Variants in LINGO2 observed in about 807,000 individuals in gnomAD.
The protein encoded by LINGO2 is leucine rich repeat and Ig domain containing 2, also known as leucine-rich repeat and immunoglobulin-like domain-containing nogo receptor-interacting protein 2.
Under a neutral mutation model 30.6 loss-of-function variants are expected in LINGO2, and 14 were observed. The observed-to-expected ratio is 0.46, with a 90% CI of 0.30 to 0.72. The LOEUF is 0.72. LINGO2 is among the 30% of genes least tolerant of loss of function. LINGO2 has a pLI of 0.07. For synonymous variants in LINGO2, 317 were observed against 288.5 expected (o/e 1.10, Z -1.00); for missense variants, 729 against 751.7 (o/e 0.97, Z 0.35).
At chr9:28,589,841 C>T (rs1824777747) in intron 1 of LINGO2, among the ~76,000 whole-genome samples, 1 of 151,960 alleles carries the variant, frequency 6.6e-6, no homozygotes, top group Admixed American at 6.6e-5. Context: ...CCCGCATTGC[C>T]AAGACAATCC....
intron 4 of LINGO2, among the ~76,000 whole-genome samples, chr9:28,285,553 C>G (rs972651280): frequency 6.6e-6 from 1 of 151,686 alleles, no homozygotes; most frequent in African/African-American, 2.4e-5. Context: ...CTACAGGCAC[C>G]CACCACCATG....
chr9:29,090,141 T>C, the LINGO2 span, among the ~76,000 whole-genome samples: 3 of 152,056 alleles, frequency 2.0e-5, no homozygotes, highest in African/African-American at 7.2e-5. Flanking sequence ...GTGATTGATA[T>C]ATAGAGAGAT....
At chr9:28,786,254 C>T in the LINGO2 span, among the ~76,000 whole-genome samples, 2 of 152,118 alleles carry the variant, frequency 1.3e-5, no homozygotes, top group Admixed American at 6.5e-5. Flanking sequence ...AAAACCTCTC[C>T]TACCATGACA....
At chr9:28,990,578 C>T in the LINGO2 span, among the ~76,000 whole-genome samples, 3 of 152,254 alleles carry the variant, frequency 2.0e-5, no homozygotes, top group Admixed American at 1.3e-4. Flanking sequence ...ACCCCTGACC[C>T]CTGAGCAGCC....
At chr9:28,029,394 G>C (rs1314271383) in intron 4 of LINGO2, among the ~76,000 whole-genome samples, 1 of 152,126 alleles carries the variant, frequency 6.6e-6, no homozygotes. Context: ...ATTAAAAACA[G>C]GCAGGGTACT....
intron 3 of LINGO2, among the ~76,000 whole-genome samples, chr9:28,357,888 T>C (rs371697166): frequency 2.6e-5 from 4 of 152,246 alleles, no homozygotes; most frequent in Middle Eastern, 6.8e-3. Context: ...ATTAGCTACA[T>C]TGATCACATC....
At chr9:29,100,227 T>C in the LINGO2 span, among the ~76,000 whole-genome samples, 3 of 152,112 alleles carry the variant, frequency 2.0e-5, no homozygotes, top group African/African-American at 7.2e-5. Flanking sequence ...TACCCAAGGC[T>C]GAGAAGAGTG....
chr9:28,759,487 C>T, the LINGO2 span, among the ~76,000 whole-genome samples: 1 of 151,736 alleles, frequency 6.6e-6, no homozygotes, highest in East Asian at 1.9e-4. Context: ...TCGAGACCAT[C>T]CTGGCTAACA....
intron 4 of LINGO2, among the ~76,000 whole-genome samples, chr9:28,135,624 C>G (rs1827496567): frequency 6.6e-6 from 1 of 152,018 alleles, no homozygotes. Context: ...GTATCACGGT[C>G]TGTTCTGTAT....
At chr9:28,313,492 C>G (rs942197202) in intron 3 of LINGO2, among the ~76,000 whole-genome samples, 13 of 152,090 alleles carry the variant, frequency 8.5e-5, no homozygotes, top group African/African-American at 3.1e-4. Flanking sequence ...TGACTGTGCC[C>G]CTTTTTTAAT....
chr9:28,517,783 C>T (rs778447912), intron 1 of LINGO2, among the ~76,000 whole-genome samples: 1 of 152,046 alleles, frequency 6.6e-6, no homozygotes, highest in African/African-American at 2.4e-5. Flanking sequence ...TTTCACACTG[C>T]GGAAATGTTT....
chr9:28,764,048 A>G, the LINGO2 span, among the ~76,000 whole-genome samples: 2,520 of 151,874 alleles, frequency 0.017, 80 homozygotes, highest in African/African-American at 0.058. Flanking sequence ...AACAACAACA[A>G]AAAAGAGCAA....
chr9:28,465,669 A>G (rs1467036544), intron 2 of LINGO2, among the ~76,000 whole-genome samples: 2 of 152,210 alleles, frequency 1.3e-5, no homozygotes, highest in Non-Finnish European at 2.9e-5. Context: ...GAAATTGAAG[A>G]GACGATCCAC....
At chr9:28,736,307 G>C in the LINGO2 span, among the ~76,000 whole-genome samples, 134 of 152,212 alleles carry the variant, frequency 8.8e-4, no homozygotes, top group Admixed American at 1.1e-3. Context: ...CTTTTGCCTG[G>C]GTCAGCCAGC....
intron 1 of LINGO2, among the ~76,000 whole-genome samples, chr9:28,666,752 C>G (rs1221881713): frequency 5.3e-5 from 8 of 151,970 alleles, no homozygotes; most frequent in Admixed American, 5.2e-4. Context: ...AAGTAGAGAC[C>G]CAGGAATACT....
At chr9:28,417,638 T>C (rs1823018284) in intron 2 of LINGO2, among the ~76,000 whole-genome samples, 1 of 152,200 alleles carries the variant, frequency 6.6e-6, no homozygotes, top group Admixed American at 6.5e-5. Flanking sequence ...ACAATCCTTC[T>C]CAAATGTGGT....
chr9:29,179,476 C>T, the LINGO2 span, among the ~76,000 whole-genome samples: 4 of 152,222 alleles, frequency 2.6e-5, no homozygotes, highest in Admixed American at 6.5e-5. Context: ...GCAATCTCGG[C>T]TCACTGCAAC....
At chr9:28,116,985 C>T (rs1284278281) in intron 4 of LINGO2, among the ~76,000 whole-genome samples, 2 of 87,678 alleles carry the variant, frequency 2.3e-5, no homozygotes, top group African/African-American at 4.2e-5. Context: ...AGGAGAGGCG[C>T]TCTGCGTTTT....
In LINGO2 at chr9:28,155,234, C is replaced by G. The variant is rs537672338; in HGVS notation, c.-87+139974G>C. Among the ~76,000 whole-genome samples the G allele has an allele frequency of 1.0e-3, 158 of 152,314 alleles. 1 individual carries two copies. Among genetic ancestry groups the G allele is most frequent in the African/African-American group, 3.7e-3 (155 of 41,572 alleles). On this transcript the variant is annotated intron_variant, in intron 4 of 5. Coordinates refer to ENST00000379992, the Ensembl canonical transcript of LINGO2. ...TAGACTTCCAGCAAATTCAACAACTCTGGAACCCAGCCAGGAATCTAGAAG... is the reference window on the plus strand; with the variant it reads ...TAGACTTCCAGCAAATTCAACAACTGTGGAACCCAGCCAGGAATCTAGAAG...
Sources: allele counts gnomAD v4.1 joint callset (sites outside exome capture counted in the v4.1 genomes callset), GRCh38; gene constraint gnomAD v4.1.1; transcripts MANE v1.5; gene names NCBI Gene and HGNC (gene_info 2026-07-23, HGNC 2026-07-21).